SCEL: variants seen among roughly 807,000 people sequenced by gnomAD.
The protein encoded by SCEL is sciellin.
SCEL carries 113 observed loss-of-function variants against 117.6 expected under a neutral mutation model. The ratio of observed to expected loss-of-function variants is 0.96; its 90% CI spans 0.83 to 1.12. SCEL has a LOEUF of 1.12. SCEL is among the 50% of genes most tolerant of loss of function. SCEL has a pLI of 0.00. For missense variants in SCEL, 785 were observed against 810.8 expected (o/e 0.97, Z 0.39); for synonymous variants, 270 against 256.2 (o/e 1.05, Z -0.51).
intron 12 of SCEL, 22 bp downstream of exon 12, chr13:77,593,595 G>A: frequency 6.2e-7 from 1 of 1,602,186 alleles, no homozygotes; most frequent in Non-Finnish European, 8.5e-7. Flanking sequence ...GAGCTTTTGA[G>A]CTTGGGTTTT....
intron 9 of SCEL, among the ~76,000 whole-genome samples, chr13:77,585,497 T>C (rs1300026808): frequency 6.6e-6 from 1 of 152,032 alleles, no homozygotes; most frequent in Non-Finnish European, 1.5e-5. Flanking sequence ...CAAAAGACAC[T>C]ATTTCCTGTG....
chr13:77,558,185 G>T (rs985823867), intron 3 of SCEL, among the ~76,000 whole-genome samples: 2 of 152,196 alleles, frequency 1.3e-5, no homozygotes, highest in Non-Finnish European at 2.9e-5. Context: ...AATCACAGTT[G>T]GGAGGAATGT....
chr13:77,554,656 G>A (rs769818286), intron 1 of SCEL, among the ~76,000 whole-genome samples: 16 of 152,142 alleles, frequency 1.1e-4, no homozygotes, highest in Admixed American at 3.3e-4. Context: ...AGTTTTTTAT[G>A]TACATTATTC....
chr13:77,559,135 C>T (rs1354383648), intron 3 of SCEL, among the ~76,000 whole-genome samples: 15 of 152,194 alleles, frequency 9.9e-5, no homozygotes, highest in Admixed American at 9.8e-4. Context: ...ACCTCTGTTA[C>T]TTGCTAACCT....
intron 30 of SCEL, among the ~76,000 whole-genome samples, chr13:77,640,361 A>T (rs2090501352): frequency 6.6e-6 from 1 of 152,166 alleles, no homozygotes; most frequent in South Asian, 2.1e-4. Flanking sequence ...AGTACTTCTG[A>T]GGAGTACTTG....
chr13:77,550,025 A>G (rs975802746), intron 1 of SCEL, among the ~76,000 whole-genome samples: 15 of 131,036 alleles, frequency 1.1e-4, no homozygotes, highest in African/African-American at 4.2e-4. Flanking sequence ...TTTTTTTTTT[A>G]GTTGAGATAT....
chr13:77,642,824 T>C lies in SCEL; in HGVS notation c.2050+16T>C, dbSNP rs867852481. The C allele has an allele frequency of 7.1e-7, 1 of 1,404,692 alleles. No homozygotes were observed. Among genetic ancestry groups the C allele is most frequent in the Middle Eastern group, 1.8e-4 (1 of 5,560 alleles). The allele number at this position is 1,404,692 out of a possible 1,614,324, so 87.0% of individuals were successfully genotyped here. Reference sequence around the variant, plus strand: ...AAAATTATGGGTAAGTGTTACACTCTAAGCATTTAACACTTTGGTTAACCT... The same window carrying C: ...AAAATTATGGGTAAGTGTTACACTCCAAGCATTTAACACTTTGGTTAACCT... On this transcript the variant is annotated intron_variant, in intron 32 of 32. Coordinates refer to ENST00000349847, the MANE Select transcript of SCEL (RefSeq NM_144777.3).
chr13:77,553,323 C>G (rs2084453970), intron 1 of SCEL, among the ~76,000 whole-genome samples: 1 of 152,162 alleles, frequency 6.6e-6, no homozygotes. Context: ...TTTTGTCTCA[C>G]AATTGCATTT....
chr13:77,556,278 G>A (rs1258920270), intron 2 of SCEL, among the ~76,000 whole-genome samples: 4 of 152,136 alleles, frequency 2.6e-5, no homozygotes, highest in Admixed American at 1.3e-4. Flanking sequence ...TTCTTATGGG[G>A]TAAAAAGGCC....
intron 10 of SCEL, among the ~76,000 whole-genome samples, chr13:77,589,760 A>G (rs1264920776): frequency 6.6e-6 from 1 of 152,110 alleles, no homozygotes; most frequent in Non-Finnish European, 1.5e-5. Context: ...ATTTATTTCA[A>G]AACTATCACA....
chr13:77,578,970 A>T (rs1379761685), intron 9 of SCEL, among the ~76,000 whole-genome samples: 1 of 152,146 alleles, frequency 6.6e-6, no homozygotes, highest in African/African-American at 2.4e-5. Flanking sequence ...GAAAAGATTA[A>T]ATGAGAAGAA....
At chr13:77,607,344 C>T (rs1408962630) in intron 19 of SCEL, among the ~76,000 whole-genome samples, 2 of 152,196 alleles carry the variant, frequency 1.3e-5, no homozygotes, top group Non-Finnish European at 2.9e-5. Flanking sequence ...AGCCACCATG[C>T]CCAGCCAGAG....
At chr13:77,569,028 C>A (rs921320672) in intron 7 of SCEL, among the ~76,000 whole-genome samples, 1 of 152,102 alleles carries the variant, frequency 6.6e-6, no homozygotes, top group Non-Finnish European at 1.5e-5. Context: ...ATGCAAAAAA[C>A]CGCAACATAA....
intron 19 of SCEL, chr13:77,606,440 C>T (rs191918779): frequency 6.6e-6 from 1 of 152,132 alleles, no homozygotes; most frequent in African/African-American, 2.4e-5. Context: ...TAAAGCAAAC[C>T]CCACAACCAA....
intron 27 of SCEL, among the ~76,000 whole-genome samples, chr13:77,627,118 G>T (rs915430948): frequency 3.2e-4 from 48 of 152,082 alleles, no homozygotes; most frequent in African/African-American, 1.0e-3. Context: ...ATTTTGTGTT[G>T]ATTTCCCTTG....
Position 77,644,551 on chromosome 13 carries a change from C to G in SCEL, c.*277C>G. ...GTGATGCATTACACTCCAGCCAGGT[C>G]CATCCCTGCTCCGTATGTTGGCTGT... On this transcript the variant is annotated 3_prime_UTR_variant, in exon 33 of 33. Transcript: ENST00000349847. 1 of 349,992 alleles carries G rather than the reference C, an allele frequency of 2.9e-6. No individual in the cohort carries two copies. Among genetic ancestry groups the G allele is most frequent in the Non-Finnish European group, 5.3e-6 (1 of 189,840 alleles). The allele number at this position is 349,992 out of a possible 1,614,324, so 21.7% of individuals were successfully genotyped here.
intron 23 of SCEL, among the ~76,000 whole-genome samples, chr13:77,613,676 T>C (rs2088827304): frequency 6.6e-6 from 1 of 152,026 alleles, no homozygotes; most frequent in South Asian, 2.1e-4. Flanking sequence ...TGCAATATCT[T>C]TGTTTATAAA....
chr13:77,606,089 T>G lies in SCEL; in HGVS notation c.1157+1674T>G, dbSNP rs138552996. ...TTATGTGTGTATGCATGCATACAAA[T>G]GTTTTTGTGCATGTGTGCATTCATG... On this transcript the variant is annotated intron_variant, in intron 19 of 32. Transcript: ENST00000349847. 8.8e-3 allele frequency among the ~76,000 whole-genome samples: 1,339 copies of G among 152,308 alleles called. 33 individuals carry two copies. The highest frequency in any genetic ancestry group is 0.03 in the African/African-American group (1,260 of 41,578).
intron 9 of SCEL, among the ~76,000 whole-genome samples, chr13:77,587,552 C>T (rs1279501868): frequency 6.6e-6 from 1 of 152,042 alleles, no homozygotes; most frequent in African/African-American, 2.4e-5. Flanking sequence ...TTCCCACCAT[C>T]GTTCCATCAA....
Sources: allele counts gnomAD v4.1 joint callset (sites outside exome capture counted in the v4.1 genomes callset), GRCh38; gene constraint gnomAD v4.1.1; transcripts MANE v1.5; gene names NCBI Gene and HGNC (gene_info 2026-07-23, HGNC 2026-07-21).